Variants in GRIA4 observed in about 807,000 individuals in gnomAD.
The protein encoded by GRIA4 is glutamate receptor 4.
In GRIA4, 34 loss-of-function variants were observed where a neutral mutation model predicts 104.0. The observed-to-expected ratio is 0.33, with a 90% CI of 0.25 to 0.44. The LOEUF (loss-of-function observed/expected upper bound fraction) is 0.44, where lower values mean the gene tolerates loss of function less well. GRIA4 is among the 20% of genes least tolerant of loss of function. The pLI, the probability that GRIA4 is intolerant of heterozygous loss-of-function variation, is 1.00. For synonymous variants in GRIA4, 386 were observed against 381.9 expected (o/e 1.01, Z -0.13); for missense variants, 750 against 1,096.5 (o/e 0.68, Z 4.46).
intron 3 of GRIA4, among the ~76,000 whole-genome samples, chr11:105,622,913 C>T (rs565102003): frequency 6.6e-6 from 1 of 151,620 alleles, no homozygotes; most frequent in African/African-American, 2.4e-5. Context: ...TTGCTTAGCT[C>T]CCACTTATAA....
chr11:105,612,233 C>G (rs748195964), intron 2 of GRIA4, 43 bp from the exon 3 acceptor site: 2 of 1,596,008 alleles, frequency 1.3e-6, no homozygotes, highest in Non-Finnish European at 1.7e-6. Context: ...ATAATGTTGA[C>G]AAGAGGAAAC....
intron 14 of GRIA4, among the ~76,000 whole-genome samples, chr11:105,946,871 T>C (rs1163090120): frequency 1.3e-5 from 2 of 152,164 alleles, no homozygotes; most frequent in African/African-American, 4.8e-5. Context: ...ATTCAGGCAA[T>C]TTGTTGCCAA....
intron 3 of GRIA4, among the ~76,000 whole-genome samples, chr11:105,638,954 T>C (rs954484367): frequency 6.6e-6 from 1 of 152,260 alleles, no homozygotes; most frequent in East Asian, 1.9e-4. Flanking sequence ...TTCAAATCAG[T>C]GTAGTACACA....
intron 3 of GRIA4, among the ~76,000 whole-genome samples, chr11:105,720,516 A>G (rs565614148): frequency 1.3e-5 from 2 of 152,338 alleles, no homozygotes; most frequent in South Asian, 4.1e-4. Flanking sequence ...TGAAGAATGT[A>G]TAAACAAAAT....
chr11:105,636,019 C>T (rs1044345596), intron 3 of GRIA4, among the ~76,000 whole-genome samples: 1 of 152,080 alleles, frequency 6.6e-6, no homozygotes, highest in Non-Finnish European at 1.5e-5. Context: ...AATTCTGTTT[C>T]CATGCATGTG....
At chr11:105,922,162 T>C (rs1210912691) in intron 11 of GRIA4, among the ~76,000 whole-genome samples, 2 of 152,118 alleles carry the variant, frequency 1.3e-5, no homozygotes, top group African/African-American at 4.8e-5. Context: ...ATACTCAATA[T>C]GGAAAAGTGG....
chr11:105,819,923 T>C (rs1943517730), intron 4 of GRIA4, among the ~76,000 whole-genome samples: 1 of 152,088 alleles, frequency 6.6e-6, no homozygotes. Flanking sequence ...CCAGTGTGAC[T>C]AGTATCCTTA....
chr11:105,660,282 G>A (rs1011575417), intron 3 of GRIA4, among the ~76,000 whole-genome samples: 2 of 151,610 alleles, frequency 1.3e-5, no homozygotes, highest in African/African-American at 2.4e-5. Context: ...ATAAAGAGCA[G>A]GTGCTAAAAA....
intron 4 of GRIA4, among the ~76,000 whole-genome samples, chr11:105,774,770 G>A (rs2135752448): frequency 6.6e-6 from 1 of 152,212 alleles, no homozygotes; most frequent in African/African-American, 2.4e-5. Flanking sequence ...TGAAACTTTT[G>A]TATTACACAA....
chr11:105,642,167 C>T (rs1369960513), intron 3 of GRIA4, among the ~76,000 whole-genome samples: 5 of 152,036 alleles, frequency 3.3e-5, no homozygotes, highest in Non-Finnish European at 7.4e-5. Context: ...TTCTGAGGTA[C>T]TGGGAAGTTG....
chr11:105,791,990 A>G (rs1942233109), intron 4 of GRIA4, among the ~76,000 whole-genome samples: 2 of 152,162 alleles, frequency 1.3e-5, no homozygotes, highest in Admixed American at 6.6e-5. Context: ...GACTCAAATG[A>G]AAATAGAAGC....
intron 4 of GRIA4, among the ~76,000 whole-genome samples, chr11:105,800,924 A>C (rs896654279): frequency 1.3e-5 from 2 of 152,008 alleles, no homozygotes; most frequent in Non-Finnish European, 2.9e-5. Context: ...TTTTTAGGAG[A>C]TAGATATTAT....
intron 6 of GRIA4, among the ~76,000 whole-genome samples, chr11:105,897,442 A>G (rs1946690672): frequency 6.6e-6 from 1 of 151,972 alleles, no homozygotes; most frequent in Non-Finnish European, 1.5e-5. Context: ...TGGAGGTACT[A>G]TGTTAAATAC....
At chr11:105,850,985 G>GT (rs1244197054) in intron 4 of GRIA4, among the ~76,000 whole-genome samples, 1 of 152,160 alleles carries the variant, frequency 6.6e-6, no homozygotes, top group Non-Finnish European at 1.5e-5. Flanking sequence ...CAGACAGAAT[G>GT]AGGCTTTACC....
chr11:105,967,062 A>G, intron 14 of GRIA4, among the ~76,000 whole-genome samples: 1 of 152,180 alleles, frequency 6.6e-6, no homozygotes, highest in East Asian at 1.9e-4. Flanking sequence ...TAAATTTTAT[A>G]CTAATAGCCT....
chr11:105,812,317 T>C (rs1485066157), intron 4 of GRIA4, among the ~76,000 whole-genome samples: 3 of 152,198 alleles, frequency 2.0e-5, no homozygotes, highest in African/African-American at 7.2e-5. Context: ...TATGAATTTA[T>C]GGGTAAACCA....
chr11:105,832,131 A>G (rs1276494306), intron 4 of GRIA4, among the ~76,000 whole-genome samples: 1 of 151,972 alleles, frequency 6.6e-6, no homozygotes, highest in Admixed American at 6.6e-5. Flanking sequence ...GCCTGAAACA[A>G]TAACCCTGCA....
intron 3 of GRIA4, among the ~76,000 whole-genome samples, chr11:105,705,076 G>A (rs1050252772): frequency 1.3e-5 from 2 of 152,040 alleles, no homozygotes; most frequent in Admixed American, 6.6e-5. Flanking sequence ...CAAAGTCAGT[G>A]GAATAGAACA....
intron 10 of GRIA4, among the ~76,000 whole-genome samples, chr11:105,911,607 A>G (rs1351317482): frequency 6.6e-6 from 1 of 151,206 alleles, no homozygotes; most frequent in Non-Finnish European, 1.5e-5. Context: ...AGAAGCCTTC[A>G]TATGTTGTAC....
Sources: allele counts gnomAD v4.1 joint callset (sites outside exome capture counted in the v4.1 genomes callset), GRCh38; gene constraint gnomAD v4.1.1; transcripts MANE v1.5; gene names NCBI Gene and HGNC (gene_info 2026-07-23, HGNC 2026-07-21).